The following NELFCD variants were observed in gnomAD, a reference collection of about 807,000 sequenced individuals.
NELFCD encodes the protein negative elongation factor C/D.
In NELFCD, 48 loss-of-function variants were observed where a neutral mutation model predicts 72.9. The observed-to-expected ratio is 0.66, with a 90% CI of 0.52 to 0.84. The LOEUF is 0.84. NELFCD is among the 40% of genes least tolerant of loss of function. The pLI is 0.00. For missense variants in NELFCD, 538 were observed against 723.8 expected (o/e 0.74, Z 2.94); for synonymous variants, 297 against 280.6 (o/e 1.06, Z -0.59).
At chr20:58,987,888 G>C (rs1371072788) in intron 4 of NELFCD, 71 bp downstream of exon 4, 1 of 1,132,566 alleles carries the variant, frequency 8.8e-7, no homozygotes, top group Non-Finnish European at 1.3e-6. Flanking sequence ...GTACAGTGGA[G>C]CGTGGCATAT....
In NELFCD at chr20:58,993,004, A is replaced by G. The variant is rs770638503; in HGVS notation, c.1236A>G (p.Pro412=). 3.7e-6 allele frequency: 6 copies of G among 1,612,568 alleles called. No homozygotes were observed. The East Asian group carries it at 1.1e-4, about 30-fold the overall frequency. The part of the protein sequence containing the change: ...LSTLYQCIRF[P]VVAMGVLKWV... ...CATTCTGCCTTAACTGTAGGTTTCC[A>G]GTGGTAGCAATGGGTGTGCTGAAGT... Residue 412 remains proline, a synonymous_variant, in exon 11 of 15, where the codon CCA becomes CCG. Transcript: ENST00000652272. The surrounding 1 kb of genome is among the most constrained non-coding windows in gnomAD (Gnocchi z 5.0).
intron 10 of NELFCD, among the ~76,000 whole-genome samples, 164 bp from the exon 11 acceptor site, chr20:58,992,834 G>C (rs1200276800): frequency 2.1e-5 from 3 of 144,202 alleles, no homozygotes; most frequent in African/African-American, 7.8e-5. Context: ...GGAAGACAGA[G>C]TGAGACCCTG....
Position 58,988,768 on chromosome 20 carries a change from C to T in NELFCD, c.397-146C>T, listed in dbSNP as rs1298547673. ...CACTCAGCCGACTGTGTGGCTGTGG[C>T]CAGCTCTGGGTCTGCCTCCCCCAGA... is the stretch of plus-strand genomic sequence containing the variant. On this transcript the variant is annotated intron_variant, in intron 4 of 14. Transcript: ENST00000652272. 4 of 605,158 alleles carry T rather than the reference C, an allele frequency of 6.6e-6. No individual in the cohort carries two copies. In the Admixed American group the frequency reaches 8.5e-5, roughly 13 times the overall value. The allele number at this position is 605,158 out of a possible 1,614,324, so 37.5% of individuals were successfully genotyped here.
chr20:58,994,925 G>A lies in NELFCD; in HGVS notation c.*249G>A. 2.0e-6 allele frequency: 1 copy of A among 504,574 alleles called. No individual in the cohort carries two copies. Among genetic ancestry groups the A allele is most frequent in the Admixed American group, 3.7e-5 (1 of 26,804 alleles). 31.3% of individuals were successfully genotyped at this position (504,574 alleles called of 1,614,324 possible). ...TGTTTTCAGTGTTCATTTCCCTCAAGGCAGGCGCTGGGCTCCCACGACCCC... is the reference window on the plus strand; with the variant it reads ...TGTTTTCAGTGTTCATTTCCCTCAAAGCAGGCGCTGGGCTCCCACGACCCC... On this transcript the variant is annotated 3_prime_UTR_variant, in exon 15 of 15. Transcript: ENST00000652272.
intron 1 of NELFCD, 105 bp from the exon 2 acceptor site, chr20:58,985,988 G>A: frequency 2.6e-6 from 2 of 775,078 alleles, no homozygotes; most frequent in Admixed American, 3.8e-5. Context: ...ATGAAATAAT[G>A]TGTGTAGAAT....
chr20:58,992,075 G>A, intron 10 of NELFCD, 55 bp downstream of exon 10: 1 of 1,512,880 alleles, frequency 6.6e-7, no homozygotes. Flanking sequence ...GAGGTCGTTT[G>A]AGTTTTCATA....
intron 14 of NELFCD, among the ~76,000 whole-genome samples, 197 bp downstream of exon 14, chr20:58,994,436 G>GCCTGTAA (rs1022431058): frequency 1.8e-4 from 27 of 152,104 alleles, no homozygotes; most frequent in Admixed American, 1.7e-3. Flanking sequence ...GGTGGCACGT[G>GCCTGTAA]CCTGTAATCC....
rs1417799517 is a variant in NELFCD at position 58,994,496 on chromosome 20, A to G, written c.1712-146A>G. 4.2e-6 allele frequency: 3 copies of G among 719,624 alleles called. No homozygotes were observed. The East Asian group carries it at 8.2e-5, about 20-fold the overall frequency. The allele number at this position is 719,624 out of a possible 1,614,324, so 44.6% of individuals were successfully genotyped here. A position where few individuals can be genotyped will look rare whatever the true frequency, so the allele number is the denominator to read the frequency against. On this transcript the variant is annotated intron_variant, in intron 14 of 14. Coordinates refer to ENST00000652272, the MANE Select transcript of NELFCD (RefSeq NM_198976.4). Reference sequence around the variant, plus strand: ...GAGAATCGCTTAACCTGGGAGGCAGAGGTTGCAGTGAGCCAAGATCGCGCC... The same window carrying G: ...GAGAATCGCTTAACCTGGGAGGCAGGGGTTGCAGTGAGCCAAGATCGCGCC...
At chr20:58,991,733 G>C (rs1184880166) in intron 9 of NELFCD, 148 bp from the exon 10 acceptor site, 4 of 895,216 alleles carry the variant, frequency 4.5e-6, no homozygotes, top group Non-Finnish European at 6.7e-6. Flanking sequence ...TCTGTACACT[G>C]TGTGACTGTG....
chr20:58,992,058 T>G (rs2091821680), intron 10 of NELFCD, 38 bp downstream of exon 10: 19 of 1,557,248 alleles, frequency 1.2e-5, no homozygotes, highest in Non-Finnish European at 1.7e-5. Context: ...ATCAGTCCTT[T>G]GGGGAGGAGG....
Position 58,993,175 on chromosome 20 carries a change from A to G in NELFCD, c.1344+63A>G, listed in dbSNP as rs1219434292. 1.7e-6 allele frequency: 2 copies of G among 1,208,396 alleles called. No individual in the cohort carries two copies. The highest frequency in any genetic ancestry group is 1.2e-6 in the Non-Finnish European group (1 of 811,242). The allele number at this position is 1,208,396 out of a possible 1,614,324, so 74.9% of individuals were successfully genotyped here. A position where few individuals can be genotyped will look rare whatever the true frequency, so the allele number is the denominator to read the frequency against. Reference sequence around the variant, plus strand: ...TCTGTCTCATGCTGTTTACGTTGGCATTAACATTGCATCTATTCAGTGAGT... The same window carrying G: ...TCTGTCTCATGCTGTTTACGTTGGCGTTAACATTGCATCTATTCAGTGAGT... On this transcript the variant is annotated intron_variant, in intron 11 of 14. Transcript: ENST00000652272. This position sits in a 1 kb window ranked among gnomAD's most constrained non-coding sequence, Gnocchi z 5.0.
chr20:58,991,851 A>G, intron 9 of NELFCD, 30 bp from the exon 10 acceptor site: 6 of 1,610,434 alleles, frequency 3.7e-6, no homozygotes, highest in Non-Finnish European at 5.1e-6. Flanking sequence ...CTGCCCTGTC[A>G]GGCTCACCAG....
chr20:58,987,924 A>T (rs2091784645), intron 4 of NELFCD, 107 bp downstream of exon 4: 3 of 800,328 alleles, frequency 3.7e-6, no homozygotes, highest in Non-Finnish European at 6.2e-6. Context: ...AGAGTTGAGG[A>T]CTAAAATCAG....
chr20:58,990,511 C>T, intron 7 of NELFCD: 1 of 182,374 alleles, frequency 5.5e-6, no homozygotes, highest in Non-Finnish European at 1.2e-5. Flanking sequence ...GCTTTGAGGA[C>T]TGTTGTGTAA....
At chr20:58,987,660 A>T (rs370910241) in intron 3 of NELFCD, 48 bp from the exon 4 acceptor site, 11 of 1,475,424 alleles carry the variant, frequency 7.5e-6, no homozygotes, top group Non-Finnish European at 9.4e-6. Flanking sequence ...AAAGCCACAC[A>T]GTGAATGGAC....
intron 1 of NELFCD, among the ~76,000 whole-genome samples, chr20:58,982,732 A>G (rs1000192574): frequency 6.6e-5 from 10 of 152,226 alleles, no homozygotes; most frequent in Middle Eastern, 6.8e-3. Context: ...GCTGAATGGT[A>G]TGGCTTGTTC....
chr20:58,993,470 C>T lies in NELFCD; in HGVS notation c.1366C>T (p.Leu456=), dbSNP rs6123843. Reference sequence around the variant, plus strand: ...GTAGATCAGCACCTGCCACCAGCTCCTGCACCCCCAGGTCCTGCAGCTGCT... The same window carrying T: ...GTAGATCAGCACCTGCCACCAGCTCTTGCACCCCCAGGTCCTGCAGCTGCT... The part of the protein sequence containing the change: ...LDEISTCHQL[L]HPQVLQLLVK... The change falls in exon 12 of 15, where the codon CTG becomes TTG. Residue 456 remains leucine, a synonymous_variant. Transcript: ENST00000652272. This position sits in a 1 kb window ranked among gnomAD's most constrained non-coding sequence, Gnocchi z 5.0. 1 of 1,614,004 alleles carries T rather than the reference C, an allele frequency of 6.2e-7. No individual in the cohort carries two copies. Among genetic ancestry groups the T allele is most frequent in the Non-Finnish European group, 8.5e-7 (1 of 1,180,040 alleles).
Position 58,993,797 on chromosome 20 carries a change from A to T in NELFCD, c.1581+33A>T. 6.2e-7 allele frequency: 1 copy of T among 1,608,730 alleles called. No individual in the cohort carries two copies. The highest frequency in any genetic ancestry group is 8.5e-7 in the Non-Finnish European group (1 of 1,176,716). ...ATGCACCGTTGGTTTCATGTTTCAT[A>T]CTGTTTACACTAGCACTGCCCTTTT... On this transcript the variant is annotated intron_variant, in intron 13 of 14. Transcript: ENST00000652272. The surrounding 1 kb of genome is among the most constrained non-coding windows in gnomAD (Gnocchi z 5.0).
chr20:58,994,508 G>T, intron 14 of NELFCD, 134 bp from the exon 15 acceptor site: 1 of 771,128 alleles, frequency 1.3e-6, no homozygotes, highest in Non-Finnish European at 2.1e-6. Context: ...GTTGCAGTGA[G>T]CCAAGATCGC....
Sources: allele counts gnomAD v4.1 joint callset (sites outside exome capture counted in the v4.1 genomes callset), GRCh38; gene constraint gnomAD v4.1.1; non-coding constraint Gnocchi (gnomAD v3.1); transcripts MANE v1.5; gene names NCBI Gene and HGNC (gene_info 2026-07-23, HGNC 2026-07-21).